RHPN2: variants seen among roughly 807,000 people sequenced by gnomAD.
RHPN2 encodes the protein rhophilin Rho GTPase binding protein 2.
In RHPN2, 40 loss-of-function variants were observed where a neutral mutation model predicts 79.0. The observed-to-expected ratio is 0.51, with a 90% CI of 0.39 to 0.66. The LOEUF (loss-of-function observed/expected upper bound fraction) is 0.66. Among genes scored for constraint, RHPN2 ranks in the 30% least tolerant of loss-of-function variants. The probability of loss-of-function intolerance (pLI) is 0.00; values close to 1 mark genes in which losing one functional copy is unlikely to be tolerated. For synonymous variants in RHPN2, 285 were observed against 363.5 expected, an observed-to-expected ratio of 0.78 and a Z score of 2.46; for missense variants, 686 against 883.5, an observed-to-expected ratio of 0.78 and a Z score of 2.83.
At position 32,980,356 on chromosome 19, in the gene RHPN2, C is replaced by T. The variant is rs908705486; in HGVS notation, c.1801-100G>A. ...GGCGCGGTGGCTCACACCTGTAATCCCAACAGTTTGGGAGGCCGAGGAAGG... is the reference window on the plus strand; with the variant it reads ...GGCGCGGTGGCTCACACCTGTAATCTCAACAGTTTGGGAGGCCGAGGAAGG... On this transcript the variant is annotated intron_variant, in intron 14 of 14. Coordinates refer to ENST00000254260, the MANE Select transcript of RHPN2 (RefSeq NM_033103.5). 3 of 1,409,208 alleles carry T rather than the reference C, an allele frequency of 2.1e-6. No individual in the cohort carries two copies. The African/African-American group carries it at 4.2e-5, about 20-fold the overall frequency. The allele number at this position is 1,409,208 out of a possible 1,614,324, so 87.3% of individuals were successfully genotyped here. A position where few individuals can be genotyped will look rare whatever the true frequency, so the allele number is the denominator to read the frequency against.
intron 1 of RHPN2, among the ~76,000 whole-genome samples, chr19:33,058,963 C>T (rs748325555): frequency 9.2e-5 from 14 of 152,018 alleles, no homozygotes; most frequent in Admixed American, 2.6e-4. Flanking sequence ...GGCATGGTGG[C>T]GCACATCTGT....
intron 13 of RHPN2, among the ~76,000 whole-genome samples, chr19:32,991,589 G>A (rs1971660025): frequency 1.3e-5 from 2 of 152,048 alleles, no homozygotes; most frequent in African/African-American, 4.8e-5. Flanking sequence ...CCCTGAGATC[G>A]CGCCACTGCA....
At chr19:33,005,329 C>T (rs1971781358) in intron 7 of RHPN2, among the ~76,000 whole-genome samples, 2 of 144,564 alleles carry the variant, frequency 1.4e-5, no homozygotes, top group Non-Finnish European at 3.0e-5. Context: ...AGGAGAATCA[C>T]TTGAACCCGG....
chr19:33,019,248 C>T (rs1454590133), intron 4 of RHPN2, among the ~76,000 whole-genome samples: 1 of 151,950 alleles, frequency 6.6e-6, no homozygotes, highest in Non-Finnish European at 1.5e-5. Flanking sequence ...AGTTTGAGAC[C>T]AGCCTGGGCA....
At chr19:33,035,111 G>A (rs1462116780) in intron 2 of RHPN2, among the ~76,000 whole-genome samples, 2 of 151,944 alleles carry the variant, frequency 1.3e-5, no homozygotes, top group East Asian at 3.9e-4. Context: ...GAGTTACAGT[G>A]TGTGCCACCA....
At chr19:33,047,552 C>T (rs191727108) in intron 1 of RHPN2, among the ~76,000 whole-genome samples, 2 of 152,108 alleles carry the variant, frequency 1.3e-5, no homozygotes, top group African/African-American at 2.4e-5. Flanking sequence ...TCCCTGGGAG[C>T]GGTCTGGCGG....
At chr19:33,011,618 AG>A (rs1331310935) in intron 6 of RHPN2, 60 bp downstream of exon 6, 2 of 1,612,734 alleles carry the variant, frequency 1.2e-6, no homozygotes, top group African/African-American at 2.7e-5. Flanking sequence ...TGTGATGCTG[AG>A]GCTCCAAAAT....
chr19:33,015,073 A>T (rs1237081810), intron 4 of RHPN2, among the ~76,000 whole-genome samples: 1 of 151,890 alleles, frequency 6.6e-6, no homozygotes, highest in Non-Finnish European at 1.5e-5. Context: ...TTTATATGTG[A>T]TCCTGAATTT....
intron 4 of RHPN2, among the ~76,000 whole-genome samples, chr19:33,017,854 C>T (rs1971890748): frequency 6.6e-6 from 1 of 151,850 alleles, no homozygotes; most frequent in Non-Finnish European, 1.5e-5. Flanking sequence ...AACCCTGTCT[C>T]TACTAAAAAT....
chr19:33,045,762 C>G (rs1232164371), intron 1 of RHPN2, among the ~76,000 whole-genome samples: 3 of 152,210 alleles, frequency 2.0e-5, no homozygotes, highest in Non-Finnish European at 4.4e-5. Context: ...GCGCGAGCCA[C>G]CACGCCCATC....
In RHPN2 at chr19:32,986,021, A is replaced by C. The variant is rs1377676794; in HGVS notation, c.1800+4493T>G. Reference sequence around the variant, plus strand: ...CATGGTTATCATCATTATAATGTCTATTGTGGATTGAAATGTAGCTCCTGT... The same window carrying C: ...CATGGTTATCATCATTATAATGTCTCTTGTGGATTGAAATGTAGCTCCTGT... On this transcript the variant is annotated intron_variant, in intron 14 of 14. Transcript: ENST00000254260. 2.0e-5 allele frequency among the ~76,000 whole-genome samples: 3 copies of C among 152,212 alleles called. No individual in the cohort carries two copies. The East Asian group carries it at 5.8e-4, about 29-fold the overall frequency.
intron 14 of RHPN2, among the ~76,000 whole-genome samples, chr19:32,987,155 G>A (rs572201190): frequency 5.9e-5 from 9 of 152,196 alleles, no homozygotes; most frequent in African/African-American, 2.2e-4. Context: ...TGGAATTACA[G>A]GTGTGAGCCA....
intron 4 of RHPN2, among the ~76,000 whole-genome samples, chr19:33,014,162 C>T (rs1971859988): frequency 6.6e-6 from 1 of 151,472 alleles, no homozygotes; most frequent in Middle Eastern, 3.2e-3. Context: ...TATGTCTTCC[C>T]AAGTGACTGT....
intron 2 of RHPN2, among the ~76,000 whole-genome samples, chr19:33,041,867 C>T (rs542991075): frequency 1.4e-4 from 21 of 152,238 alleles, no homozygotes; most frequent in African/African-American, 4.6e-4. Flanking sequence ...CTTCAGGCAC[C>T]TCAACTGTGC....
intron 14 of RHPN2, among the ~76,000 whole-genome samples, chr19:32,981,507 A>AG (rs1257963279): frequency 7.6e-6 from 1 of 131,826 alleles, no homozygotes; most frequent in Non-Finnish European, 1.7e-5. Context: ...GGGCAAGGGA[A>AG]GGGAAAAAAA....
intron 2 of RHPN2, among the ~76,000 whole-genome samples, chr19:33,028,140 T>C (rs2145251320): frequency 6.7e-6 from 1 of 149,314 alleles, no homozygotes; most frequent in South Asian, 2.1e-4. Flanking sequence ...GCATAATCAA[T>C]ATACAAAAAT....
intron 1 of RHPN2, among the ~76,000 whole-genome samples, chr19:33,048,073 C>T (rs143560927): frequency 0.01 from 1,559 of 152,128 alleles, 9 homozygotes; most frequent in Middle Eastern, 0.02. Flanking sequence ...CACAGATATT[C>T]GGAATTCGAG....
At chr19:33,013,576 C>T (rs373864614) in intron 4 of RHPN2, among the ~76,000 whole-genome samples, 34 of 152,206 alleles carry the variant, frequency 2.2e-4, no homozygotes, top group African/African-American at 7.2e-4. Flanking sequence ...TTTGTGTCTG[C>T]GCATCGTGGC....
At chr19:33,042,113 T>C (rs528385046) in intron 2 of RHPN2, among the ~76,000 whole-genome samples, 3 of 150,208 alleles carry the variant, frequency 2.0e-5, no homozygotes, top group Non-Finnish European at 3.0e-5. Flanking sequence ...CACTTGAACA[T>C]GGGAGGCAGA....
Sources: gnomAD v4.1 joint callset for allele counts (sites outside exome capture counted in the v4.1 genomes callset) on GRCh38, gnomAD v4.1.1 for gene constraint, MANE v1.5 for transcripts, NCBI Gene and HGNC (gene_info 2026-07-23, HGNC 2026-07-21) for gene names.